The following MICAL2 variants were observed in gnomAD, a reference collection of about 807,000 sequenced individuals.
MICAL2 encodes microtubule associated monooxygenase, calponin and LIM domain containing 2, also known as [F-actin]-monooxygenase MICAL2.
A neutral mutation model predicts 127.3 loss-of-function variants in MICAL2; 77 were observed. The observed-to-expected ratio is 0.60, with a 90% CI of 0.50 to 0.73. The LOEUF is 0.73. Among genes scored for constraint, MICAL2 ranks in the 30% least tolerant of loss-of-function variants. The pLI, the probability that MICAL2 is intolerant of heterozygous loss-of-function variation, is 0.00. For synonymous variants in MICAL2, 570 were observed against 551.1 expected (o/e 1.03, Z -0.48); for missense variants, 1,351 against 1,434.4 (o/e 0.94, Z 0.94).
intron 3 of MICAL2, among the ~76,000 whole-genome samples, chr11:12,180,266 A>G (rs920681876): frequency 2.0e-4 from 30 of 151,896 alleles, no homozygotes; most frequent in African/African-American, 7.3e-4. Context: ...AATGAGGGTT[A>G]TACGCCTTTG....
At chr11:12,290,456 G>C (rs1863883363), downstream of MICAL2, among the ~76,000 whole-genome samples, 1 of 152,166 alleles carries the variant, frequency 6.6e-6, no homozygotes, top group Admixed American at 6.5e-5. Flanking sequence ...GCAAGTGAAG[G>C]AGTTTGATTC....
intron 2 of MICAL2, among the ~76,000 whole-genome samples, chr11:12,158,439 G>A (rs1854422699): frequency 6.6e-6 from 1 of 151,940 alleles, no homozygotes; most frequent in South Asian, 2.1e-4. Flanking sequence ...GAGAACAGGT[G>A]GCCCTCTGCA....
At chr11:12,247,028 C>T (rs949550124) in intron 21 of MICAL2, among the ~76,000 whole-genome samples, 1 of 152,128 alleles carries the variant, frequency 6.6e-6, no homozygotes, top group Non-Finnish European at 1.5e-5. Context: ...TGGGTGGGGG[C>T]TGGAGAGCTC....
rs147590989 is a variant in MICAL2 at position 12,324,860 on chromosome 11, G to A, written c.5421+790G>A. Among the ~76,000 whole-genome samples, 546 of 152,312 alleles carry A rather than the reference G, an allele frequency of 3.6e-3. 3 individuals carry two copies. Among genetic ancestry groups the A allele is most frequent in the Non-Finnish European group, 6.3e-3 (431 of 68,024 alleles). On this transcript the variant is annotated intron_variant, in intron 31 of 34. Coordinates refer to the MICAL2 transcript ENST00000646065. The stretch of plus-strand genomic sequence containing the variant: ...GAGCTACCTCTTTCACCTAGTGAAT[G>A]GGGAAAAGTCACTTCTGTCTACTTG...
chr11:12,152,297 C>CAAAAAAAAAAAAAAAAAAAA, intron 2 of MICAL2, among the ~76,000 whole-genome samples: 1 of 38,396 alleles, frequency 2.6e-5, no homozygotes, highest in African/African-American at 1.4e-4. Flanking sequence ...GACTCTGTCT[C>CAAAAAAAAAAAAAAAAAAAA]AAAAAAAAAA....
downstream of MICAL2, among the ~76,000 whole-genome samples, chr11:12,287,584 G>C (rs1863841181): frequency 6.6e-6 from 1 of 151,860 alleles, no homozygotes; most frequent in African/African-American, 2.4e-5. Flanking sequence ...GCTACACACA[G>C]ACACCCACAC....
chr11:12,151,820 G>A (rs2133724804), intron 2 of MICAL2, among the ~76,000 whole-genome samples: 1 of 152,304 alleles, frequency 6.6e-6, no homozygotes, highest in African/African-American at 2.4e-5. Flanking sequence ...CAAGGGTCCA[G>A]GAGGAAGGAG....
chr11:12,235,708 G>C (rs538429085), intron 15 of MICAL2, among the ~76,000 whole-genome samples: 1 of 152,278 alleles, frequency 6.6e-6, no homozygotes, highest in Non-Finnish European at 1.5e-5. Context: ...CCTTCTTGTA[G>C]GAGAGAGGCT....
At chr11:12,289,518 A>G (rs189956038), downstream of MICAL2, among the ~76,000 whole-genome samples, 7 of 147,902 alleles carry the variant, frequency 4.7e-5, no homozygotes, top group Admixed American at 4.0e-4. Context: ...GCTGACAACT[A>G]GCTTTTACTT....
At chr11:12,327,301 T>C (rs1226253480) in intron 32 of MICAL2, 1 of 1,523,184 alleles carries the variant, frequency 6.6e-7, no homozygotes. Flanking sequence ...GCAGTGGGCA[T>C]GGTCTGAGAA....
chr11:12,245,322 C>G (rs1053163426), intron 21 of MICAL2, among the ~76,000 whole-genome samples: 1 of 152,208 alleles, frequency 6.6e-6, no homozygotes, highest in Admixed American at 6.5e-5. Context: ...AGAAGGAGTG[C>G]TGGTCTGTTT....
intron 29 of MICAL2, among the ~76,000 whole-genome samples, chr11:12,317,171 C>T (rs989013694): frequency 1.3e-5 from 2 of 152,212 alleles, no homozygotes; most frequent in Non-Finnish European, 2.9e-5. Flanking sequence ...CCCACGTATT[C>T]CAGCTGTCTC....
intron 29 of MICAL2, among the ~76,000 whole-genome samples, chr11:12,298,431 G>A (rs923950745): frequency 2.6e-5 from 4 of 152,006 alleles, no homozygotes; most frequent in Admixed American, 2.6e-4. Flanking sequence ...CATAACACCT[G>A]CAAATTATAA....
chr11:12,158,647 G>A (rs553283721), intron 2 of MICAL2, among the ~76,000 whole-genome samples: 3 of 152,264 alleles, frequency 2.0e-5, no homozygotes, highest in East Asian at 1.9e-4. Context: ...TAAAGTATAC[G>A]AGAGAATGTG....
At chr11:12,242,587 T>A in intron 19 of MICAL2, 84 bp from the exon 20 acceptor site, 9 of 1,464,724 alleles carry the variant, frequency 6.1e-6, no homozygotes, top group Non-Finnish European at 8.6e-6. Context: ...CCCGGCTGCC[T>A]CCCTCACCCA....
intron 29 of MICAL2, among the ~76,000 whole-genome samples, chr11:12,306,035 G>A (rs754356762): frequency 2.0e-5 from 3 of 152,094 alleles, no homozygotes; most frequent in Non-Finnish European, 4.4e-5. Context: ...TTGCATTTCT[G>A]AAGGTTTATT....
At chr11:12,154,528 C>T (rs745421977) in intron 2 of MICAL2, among the ~76,000 whole-genome samples, 5 of 152,144 alleles carry the variant, frequency 3.3e-5, no homozygotes, top group Non-Finnish European at 7.3e-5. Flanking sequence ...ATCTGAAATG[C>T]GATCCTACAC....
intron 3 of MICAL2, among the ~76,000 whole-genome samples, chr11:12,169,309 G>T (rs1172539874): frequency 6.6e-6 from 1 of 152,098 alleles, no homozygotes; most frequent in Non-Finnish European, 1.5e-5. Context: ...AGTAGGTGTG[G>T]ATCTAACTCT....
At chr11:12,320,793 G>A (rs2134840728) in intron 30 of MICAL2, among the ~76,000 whole-genome samples, 1 of 152,202 alleles carries the variant, frequency 6.6e-6, no homozygotes, top group South Asian at 2.1e-4. Flanking sequence ...TCTGGGAGGT[G>A]TGGTGTGGGG....
Sources: allele counts gnomAD v4.1 joint callset (sites outside exome capture counted in the v4.1 genomes callset), GRCh38; gene constraint gnomAD v4.1.1; transcripts MANE v1.5; gene names NCBI Gene and HGNC (gene_info 2026-07-23, HGNC 2026-07-21).